The following SNX10 variants were observed in gnomAD, a reference collection of about 807,000 sequenced individuals.
SNX10 encodes sorting nexin-10.
SNX10 carries 25 observed loss-of-function variants against 28.5 expected under a neutral mutation model. That is an observed-to-expected ratio of 0.88 (90% confidence interval 0.64 to 1.22). SNX10 has a LOEUF of 1.22. Ranked by LOEUF, SNX10 falls within the 50% of genes most tolerant of loss-of-function variation. The probability of loss-of-function intolerance (pLI) is 0.00; values close to 1 mark genes in which losing one functional copy is unlikely to be tolerated. For synonymous variants in SNX10, 62 were observed against 81.4 expected (o/e 0.76, Z 1.28); for missense variants, 223 against 242.6 (o/e 0.92, Z 0.54).
At chr7:26,353,437 C>CTT (rs11386172) in intron 2 of SNX10, among the ~76,000 whole-genome samples, 1,140 of 74,202 alleles carry the variant, frequency 0.015, 2 homozygotes, top group Middle Eastern at 0.034. Flanking sequence ...CTGGTAAATG[C>CTT]TTTTTTTTTT....
chr7:26,348,476 C>T (rs927935560), intron 2 of SNX10, among the ~76,000 whole-genome samples: 3 of 152,224 alleles, frequency 2.0e-5, no homozygotes, highest in African/African-American at 7.2e-5. Flanking sequence ...AGAAAGAACA[C>T]AAACGAGAAC....
intron 1 of SNX10, among the ~76,000 whole-genome samples, chr7:26,303,631 G>T (rs1366447803): frequency 1.3e-5 from 2 of 152,056 alleles, no homozygotes; most frequent in South Asian, 4.1e-4. Flanking sequence ...CAGCTCCTTG[G>T]GGCCTGTTCT....
intron 1 of SNX10, among the ~76,000 whole-genome samples, chr7:26,299,673 C>T (rs1420328201): frequency 6.6e-6 from 1 of 152,072 alleles, no homozygotes; most frequent in Non-Finnish European, 1.5e-5. Context: ...ATCTGCCCGC[C>T]TTGGCCTCCC....
At chr7:26,345,378 A>G (rs1410313221) in intron 1 of SNX10, among the ~76,000 whole-genome samples, 1 of 152,004 alleles carries the variant, frequency 6.6e-6, no homozygotes, top group African/African-American at 2.4e-5. Flanking sequence ...TTTTCCTTGA[A>G]CACTGCGATC....
At chr7:26,361,556 C>T (rs1031056072) in intron 3 of SNX10, among the ~76,000 whole-genome samples, 8 of 152,132 alleles carry the variant, frequency 5.3e-5, no homozygotes, top group African/African-American at 1.9e-4. Context: ...AACGAGTAAG[C>T]AACTAGAAAT....
At chr7:26,331,112 C>G (rs771429910) in intron 1 of SNX10, among the ~76,000 whole-genome samples, 4 of 151,030 alleles carry the variant, frequency 2.6e-5, no homozygotes, top group Non-Finnish European at 5.9e-5. Context: ...GATCACACCA[C>G]TGCACTCCAG....
chr7:26,335,279 A>G (rs1012143249), intron 1 of SNX10, among the ~76,000 whole-genome samples: 3 of 152,178 alleles, frequency 2.0e-5, no homozygotes, highest in Admixed American at 2.0e-4. Flanking sequence ...TAACACAAGA[A>G]CCTCTGGTCC....
At chr7:26,342,889 G>A (rs565847789) in intron 1 of SNX10, among the ~76,000 whole-genome samples, 35 of 152,122 alleles carry the variant, frequency 2.3e-4, no homozygotes, top group Admixed American at 3.3e-4. Context: ...TCACCGCAGC[G>A]TTGACCTCCC....
Position 26,372,736 on chromosome 7 carries a change from C to T in SNX10, c.*164C>T, listed in dbSNP as rs1189965206. The T allele has an allele frequency of 1.8e-6, 1 of 548,730 alleles. No homozygotes were observed. The highest frequency in any genetic ancestry group is 3.2e-6 in the Non-Finnish European group (1 of 308,356). The allele number at this position is 548,730 out of a possible 1,614,324, so 34.0% of individuals were successfully genotyped here. ...TTTATTAGTGGTATTTTTATGTTGT[C>T]TTATTTTAGGTAAGCTTCTGTGTAA... On this transcript the variant is annotated 3_prime_UTR_variant, in exon 7 of 7. Coordinates refer to ENST00000338523, the MANE Select transcript of SNX10 (RefSeq NM_013322.3).
At chr7:26,326,500 C>T (rs1250683698) in intron 1 of SNX10, among the ~76,000 whole-genome samples, 1 of 152,130 alleles carries the variant, frequency 6.6e-6, no homozygotes, top group African/African-American at 2.4e-5. Context: ...ACCTGGAACC[C>T]ATGCCTCCCA....
chr7:26,322,172 C>T (rs1787337065), intron 1 of SNX10, among the ~76,000 whole-genome samples: 1 of 152,108 alleles, frequency 6.6e-6, no homozygotes, highest in South Asian at 2.1e-4. Context: ...CCAGGAAAAC[C>T]CTTTCAGGAT....
At chr7:26,352,433 A>C (rs1398858824) in intron 2 of SNX10, among the ~76,000 whole-genome samples, 1 of 152,134 alleles carries the variant, frequency 6.6e-6, no homozygotes, top group Non-Finnish European at 1.5e-5. Context: ...TTCAACCCCC[A>C]AAACAAAAAA....
rs57340085 is a variant in SNX10 at position 26,335,735 on chromosome 7, C to CTTTTT, written c.-23-10663_-23-10659dup. ...AAAATAACCTCGCAGATGGAATATT[C>CTTTTT]TTTTTTTTTTTTTTTTTTTTTTTTT... On this transcript the variant is annotated intron_variant, in intron 1 of 6. Transcript: ENST00000338523. Among the ~76,000 whole-genome samples, 78 of 84,276 alleles carry CTTTTT rather than the reference C, an allele frequency of 9.3e-4. 9 individuals carry two copies. Among genetic ancestry groups the CTTTTT allele is most frequent in the South Asian group, 2.1e-3 (4 of 1,874 alleles). The allele number at this position is 84,276 out of a possible 152,430, so 55.3% of individuals were successfully genotyped here.
At chr7:26,344,214 C>G (rs1273155672) in intron 1 of SNX10, among the ~76,000 whole-genome samples, 2 of 141,102 alleles carry the variant, frequency 1.4e-5, no homozygotes, top group African/African-American at 2.7e-5. Context: ...GTCTCTCACT[C>G]AAGCTGGAGT....
chr7:26,364,695 C>T lies in SNX10; in HGVS notation c.212+60C>T, dbSNP rs990575917. On this transcript the variant is annotated intron_variant, in intron 4 of 6. Transcript: ENST00000338523. The surrounding 1 kb of genome is among the most constrained non-coding windows in gnomAD (Gnocchi z 4.9). ...CATTATATTCAGTATTTAAAATTGA[C>T]GTTCATTAAGATATATAAGATATGA... The T allele has an allele frequency of 2.2e-5, 27 of 1,227,038 alleles. 1 individual carries two copies. Among genetic ancestry groups the T allele is most frequent in the African/African-American group, 3.0e-5 (2 of 65,864 alleles). The allele number at this position is 1,227,038 out of a possible 1,614,324, so 76.0% of individuals were successfully genotyped here.
intron 1 of SNX10, among the ~76,000 whole-genome samples, chr7:26,316,085 G>A (rs1285733720): frequency 1.3e-5 from 2 of 151,362 alleles, no homozygotes; most frequent in African/African-American, 2.4e-5. Context: ...TTGAGAGGCC[G>A]AGGCAGGAGA....
intron 1 of SNX10, among the ~76,000 whole-genome samples, chr7:26,318,302 G>C (rs182412887): frequency 2.8e-4 from 42 of 152,210 alleles, no homozygotes; most frequent in Non-Finnish European, 5.6e-4. Context: ...TTTGAGAAAG[G>C]CGAGTCTTGC....
chr7:26,325,941 TG>T (rs1235872877), intron 1 of SNX10, among the ~76,000 whole-genome samples: 3 of 152,148 alleles, frequency 2.0e-5, no homozygotes, highest in Non-Finnish European at 4.4e-5. Context: ...TTGGCCAGGC[TG>T]GTCTCGAACT....
intron 5 of SNX10, 24 bp from the exon 6 acceptor site, chr7:26,371,797 T>C: frequency 6.5e-7 from 1 of 1,533,532 alleles, no homozygotes; most frequent in Non-Finnish European, 9.0e-7. Flanking sequence ...TCACCAATTA[T>C]TTTTCCTTTT....
Sources: allele counts gnomAD v4.1 joint callset (sites outside exome capture counted in the v4.1 genomes callset), GRCh38; gene constraint gnomAD v4.1.1; non-coding constraint Gnocchi (gnomAD v3.1); transcripts MANE v1.5; gene names NCBI Gene and HGNC (gene_info 2026-07-23, HGNC 2026-07-21).